SGCD: variants seen among roughly 807,000 people sequenced by gnomAD.
SGCD encodes delta-sarcoglycan.
Under a neutral mutation model 36.6 loss-of-function variants are expected in SGCD, and 18 were observed. The observed-to-expected ratio is 0.49, with a 90% CI of 0.34 to 0.73. The LOEUF (loss-of-function observed/expected upper bound fraction) is 0.73, where lower values mean the gene tolerates loss of function less well. Among genes scored for constraint, SGCD ranks in the 30% least tolerant of loss-of-function variants. The probability of loss-of-function intolerance (pLI) is 0.01; values close to 1 mark genes in which losing one functional copy is unlikely to be tolerated. For missense variants in SGCD, 387 were observed against 346.7 expected, an observed-to-expected ratio of 1.12 and a Z score of -0.92; for synonymous variants, 133 against 130.6, an observed-to-expected ratio of 1.02 and a Z score of -0.12.
At chr5:156,221,180 TG>T (rs1333996169) in intron 3 of SGCD, among the ~76,000 whole-genome samples, 3 of 152,098 alleles carry the variant, frequency 2.0e-5, no homozygotes, top group Non-Finnish European at 4.4e-5. Flanking sequence ...AGAAATTTAT[TG>T]GGTTATAGTT....
chr5:156,352,383 A>G (rs1769303157), intron 3 of SGCD, among the ~76,000 whole-genome samples: 1 of 152,156 alleles, frequency 6.6e-6, no homozygotes, highest in Admixed American at 6.5e-5. Context: ...TGCTCTGGAA[A>G]CTTCTCTCAG....
intron 3 of SGCD, among the ~76,000 whole-genome samples, chr5:156,466,293 T>A (rs998309543): frequency 1.7e-4 from 26 of 152,234 alleles, no homozygotes; most frequent in Non-Finnish European, 3.2e-4. Context: ...ACAAAGACTC[T>A]AGAGAGTAAA....
chr5:156,110,841 C>T (rs1041222621), intron 1 of SGCD, among the ~76,000 whole-genome samples: 3 of 152,080 alleles, frequency 2.0e-5, no homozygotes, highest in Non-Finnish European at 2.9e-5. Flanking sequence ...TAGCTACTTC[C>T]GGCAGGTGTC....
At chr5:156,459,620 C>T (rs549867029) in intron 3 of SGCD, among the ~76,000 whole-genome samples, 12 of 152,208 alleles carry the variant, frequency 7.9e-5, no homozygotes, top group East Asian at 7.7e-4. Context: ...TATTTATTAG[C>T]GCTTTGATAA....
intron 5 of SGCD, among the ~76,000 whole-genome samples, chr5:156,590,344 G>A (rs1042000589): frequency 1.3e-5 from 2 of 152,082 alleles, no homozygotes; most frequent in African/African-American, 4.8e-5. Flanking sequence ...GAGATTCATA[G>A]CCAGTGGGTG....
rs17053784 is a variant in SGCD at position 156,696,495 on chromosome 5, A to G, written c.575+48959A>G. ...TTAACAGAAAACAAAATCTTCTCTCAATGCTTGCAATTTAAATATTTTTGC... is the reference window on the plus strand; with the variant it reads ...TTAACAGAAAACAAAATCTTCTCTCGATGCTTGCAATTTAAATATTTTTGC... On this transcript the variant is annotated intron_variant, in intron 7 of 8. Coordinates refer to ENST00000337851, the MANE Select transcript of SGCD (RefSeq NM_000337.6). 5.3e-3 allele frequency among the ~76,000 whole-genome samples: 808 copies of G among 152,244 alleles called. 8 individuals are homozygous for G. The highest frequency in any genetic ancestry group is 0.019 in the African/African-American group (778 of 41,540).
intron 1 of SGCD, among the ~76,000 whole-genome samples, chr5:155,932,554 C>A (rs952575057): frequency 6.6e-6 from 1 of 152,166 alleles, no homozygotes; most frequent in African/African-American, 2.4e-5. Flanking sequence ...GACCTACTCA[C>A]CCTCAACATA....
At chr5:156,305,286 T>C in intron 3 of SGCD, among the ~76,000 whole-genome samples, 1 of 152,126 alleles carries the variant, frequency 6.6e-6, no homozygotes, top group Non-Finnish European at 1.5e-5. Flanking sequence ...GTCTGTGCTG[T>C]GTGCAGCTTA....
chr5:156,684,456 C>T (rs949679372), intron 7 of SGCD, among the ~76,000 whole-genome samples: 6 of 152,214 alleles, frequency 3.9e-5, no homozygotes, highest in African/African-American at 1.2e-4. Flanking sequence ...TTTCCAGAAT[C>T]TCAAATGCTT....
At chr5:156,320,136 C>G (rs1284358133) in intron 3 of SGCD, among the ~76,000 whole-genome samples, 1 of 132,898 alleles carries the variant, frequency 7.5e-6, no homozygotes, top group Non-Finnish European at 1.6e-5. Context: ...TGTGTGTGTA[C>G]AATTGTTGGG....
the SGCD span, among the ~76,000 whole-genome samples, chr5:155,821,479 A>G: frequency 2.2e-4 from 33 of 152,038 alleles, no homozygotes; most frequent in Non-Finnish European, 4.0e-4. Flanking sequence ...ACGCCCGGCT[A>G]ATTTTTTGTA....
chr5:156,163,421 C>G (rs532544580), intron 3 of SGCD, among the ~76,000 whole-genome samples: 1 of 151,574 alleles, frequency 6.6e-6, no homozygotes, highest in African/African-American at 2.4e-5. Context: ...TCTCAAAGTC[C>G]GTTAACAGAC....
chr5:156,500,882 G>GGAATCCC (rs1756416932), intron 3 of SGCD, among the ~76,000 whole-genome samples: 1 of 152,112 alleles, frequency 6.6e-6, no homozygotes, highest in Non-Finnish European at 1.5e-5. Flanking sequence ...CATCCCACAA[G>GGAATCCC]AACCAACAGG....
chr5:156,593,245 T>C (rs1581222209), intron 5 of SGCD, among the ~76,000 whole-genome samples: 1 of 152,164 alleles, frequency 6.6e-6, no homozygotes, highest in Admixed American at 6.5e-5. Context: ...TCCGACAGTC[T>C]TGACAAAGAG....
the SGCD span, among the ~76,000 whole-genome samples, chr5:155,762,993 G>C: frequency 6.6e-6 from 1 of 152,138 alleles, no homozygotes; most frequent in Non-Finnish European, 1.5e-5. Flanking sequence ...TGACATTCTG[G>C]TCTTGGATCA....
At chr5:155,901,433 A>T (rs1756387829) in intron 1 of SGCD, among the ~76,000 whole-genome samples, 1 of 152,122 alleles carries the variant, frequency 6.6e-6, no homozygotes, top group African/African-American at 2.4e-5. Flanking sequence ...TGAATCAGGA[A>T]CTCTGAGGGC....
chr5:155,793,973 G>A, the SGCD span, among the ~76,000 whole-genome samples: 5 of 147,888 alleles, frequency 3.4e-5, no homozygotes, highest in Admixed American at 2.7e-4. Context: ...AAAAAAAAGA[G>A]AGAGAAAGAA....
In SGCD at chr5:156,763,445, G is replaced by C. The variant is rs1159491887; in HGVS notation, c.*4055G>C. On this transcript the variant is annotated 3_prime_UTR_variant, in exon 9 of 9. Transcript: ENST00000337851. ...AAGTATTGGAAAAAGCAAAATACATGGGGACAAAAAAAATACAGTGAAATT... is the reference window on the plus strand; with the variant it reads ...AAGTATTGGAAAAAGCAAAATACATCGGGACAAAAAAAATACAGTGAAATT... The C allele has an allele frequency of 2.0e-5, 3 of 152,430 alleles. No individual in the cohort carries two copies. Among genetic ancestry groups the C allele is most frequent in the Non-Finnish European group, 2.9e-5 (2 of 67,982 alleles). 9.4% of individuals were successfully genotyped at this position (152,430 alleles called of 1,614,324 possible).
intron 3 of SGCD, among the ~76,000 whole-genome samples, chr5:156,218,714 G>C (rs1764640932): frequency 6.6e-6 from 1 of 152,108 alleles, no homozygotes; most frequent in Non-Finnish European, 1.5e-5. Flanking sequence ...TTCTTTGCAA[G>C]CATTAGCACT....
Sources: gnomAD v4.1 joint callset for allele counts (sites outside exome capture counted in the v4.1 genomes callset) on GRCh38, gnomAD v4.1.1 for gene constraint, MANE v1.5 for transcripts, NCBI Gene and HGNC (gene_info 2026-07-23, HGNC 2026-07-21) for gene names.